The following PSMA4 variants were observed in gnomAD, a reference collection of about 807,000 sequenced individuals.
PSMA4 encodes proteasome 20S subunit alpha 4.
PSMA4 carries 8 observed loss-of-function variants against 37.2 expected under a neutral mutation model. That is an observed-to-expected ratio of 0.22 (90% CI 0.13 to 0.39). PSMA4 has a LOEUF of 0.39. Ranked by LOEUF, PSMA4 falls within the 10% of genes least tolerant of loss-of-function variation. PSMA4 has a pLI of 1.00. For missense variants in PSMA4, 169 were observed against 305.1 expected (o/e 0.55, Z 3.32); for synonymous variants, 93 against 98.8 (o/e 0.94, Z 0.35).
intron 8 of PSMA4, among the ~76,000 whole-genome samples, chr15:78,547,799 T>C (rs1278727477): frequency 6.6e-6 from 1 of 151,978 alleles, no homozygotes; most frequent in African/African-American, 2.4e-5. Flanking sequence ...ATCATGCCAC[T>C]GCACTCCAGC....
rs979254973 is a variant in PSMA4, at chr15:78,549,177, A to G, written c.*233A>G. ...ACACATCCCCTTTTTTTGGAATAAAATTTGGAAAATGGAAATGAAGGAATA... is the reference window on the plus strand; with the variant it reads ...ACACATCCCCTTTTTTTGGAATAAAGTTTGGAAAATGGAAATGAAGGAATA... On this transcript the variant is annotated 3_prime_UTR_variant, in exon 9 of 9. Transcript: ENST00000044462. 5.9e-6 allele frequency: 3 copies of G among 510,490 alleles called. No individual in the cohort carries two copies. Among genetic ancestry groups the G allele is most frequent in the Non-Finnish European group, 8.4e-6 (3 of 356,286 alleles). 31.6% of individuals were successfully genotyped at this position (510,490 alleles called of 1,614,324 possible).
At position 78,544,175 on chromosome 15, in the gene PSMA4, CT is replaced by C. The variant is rs1363538378; in HGVS notation, c.210-8del. On this transcript the variant is annotated splice_polypyrimidine_tract_variant and intron_variant, in intron 4 of 8. Coordinates refer to ENST00000044462, the MANE Select transcript of PSMA4 (RefSeq NM_002789.6). ...ATCTTCCCTGCTTACAGATCAATGTCTTTTTTTCTTCAAGGGACATGGCTTG... is the reference window on the plus strand; with the variant it reads ...ATCTTCCCTGCTTACAGATCAATGTCTTTTTTCTTCAAGGGACATGGCTTG... 3.1e-6 allele frequency: 5 copies of C among 1,603,054 alleles called. No homozygotes were observed. Among genetic ancestry groups the C allele is most frequent in the Admixed American group, 1.7e-5 (1 of 59,662 alleles).
chr15:78,542,115 G>T, intron 2 of PSMA4, 62 bp from the exon 3 acceptor site: 7 of 1,541,316 alleles, frequency 4.5e-6, no homozygotes, highest in Non-Finnish European at 6.3e-6. Flanking sequence ...ATCATTTGTA[G>T]GCTTGCAGGA....
In PSMA4 at chr15:78,548,856, T is replaced by C. The variant is rs776115821; in HGVS notation, c.698T>C (p.Val233Ala). 7.8e-5 allele frequency: 125 copies of C among 1,612,568 alleles called. No individual in the cohort carries two copies. Among genetic ancestry groups the C allele is most frequent in the Admixed American group, 6.2e-4 (37 of 59,838 alleles). The change falls in exon 9 of 9, where the codon GTG (valine) becomes GCG (alanine). Residue 233 changes from valine to alanine, a missense_variant. Around this residue, in one of 2 missense-constraint regions of PSMA4, gnomAD observed 90 missense variants for 92.7 expected, o/e 0.97. Transcript: ENST00000044462. ...TVIRVLKQKE[V>A]EQLIKKHEEE... ...ATCAGAGTTCTCAAACAAAAAGAAG[T>C]GGAGCAGTTGATCAAAAAACATGAG...
intron 5 of PSMA4, chr15:78,544,598 C>T: frequency 2.2e-6 from 1 of 452,282 alleles, no homozygotes; most frequent in East Asian, 3.9e-5. Flanking sequence ...TGCACCTGGC[C>T]TAGTTTTGAT....
chr15:78,541,488 C>G (rs4243083), intron 1 of PSMA4: 127,381 of 196,338 alleles, frequency 0.65, 42,230 homozygotes, highest in East Asian at 0.84. Context: ...ATCCTGCCTC[C>G]GTACCCTTTG....
At position 78,544,770 on chromosome 15, in the gene PSMA4, G is replaced by A. The variant is rs75255438; in HGVS notation, c.288-99G>A. 0.015 allele frequency: 10,847 copies of A among 708,138 alleles called. 1,339 individuals carry two copies. In the East Asian group the frequency reaches 0.26, roughly 17 times the overall value. 43.9% of individuals were successfully genotyped at this position (708,138 alleles called of 1,614,324 possible). ...CCTTCAAATTACAAATGACTGTTAG[G>A]TTGTCCCCATGGCATAGATTGCTTT... On this transcript the variant is annotated intron_variant, in intron 5 of 8. Coordinates refer to ENST00000044462, the MANE Select transcript of PSMA4 (RefSeq NM_002789.6).
chr15:78,546,716 C>G lies in PSMA4; in HGVS notation c.631+18C>G. ...TGAAAAAGGTAATTCATATCCTCTC[C>G]TTTAATTCTTTCGACTGAGTGAGGG... On this transcript the variant is annotated intron_variant, in intron 8 of 8. Transcript: ENST00000044462. 6.3e-7 allele frequency: 1 copy of G among 1,583,308 alleles called. No homozygotes were observed. The highest frequency in any genetic ancestry group is 8.5e-7 in the Non-Finnish European group (1 of 1,170,980).
chr15:78,545,512 A>G (rs980716249), intron 6 of PSMA4, 122 bp from the exon 7 acceptor site: 2 of 1,168,758 alleles, frequency 1.7e-6, no homozygotes, highest in African/African-American at 3.1e-5. Flanking sequence ...GCCAGAATAC[A>G]AAACAGTTTA....
rs1023120326 is a variant in PSMA4, at chr15:78,551,322, C to G, written c.*2378C>G. On this transcript the variant is annotated 3_prime_UTR_variant, in exon 9 of 9. Transcript: ENST00000044462. Reference sequence around the variant, plus strand: ...CCTTGTGCTACCTTCCATGTGCTTCCTTCCTCACTCATTCATCCAAATGAG... The same window carrying G: ...CCTTGTGCTACCTTCCATGTGCTTCGTTCCTCACTCATTCATCCAAATGAG... The G allele has an allele frequency of 6.6e-5, 10 of 152,150 alleles. No homozygotes were observed. Among genetic ancestry groups the G allele is most frequent in the South Asian group, 2.1e-4 (1 of 4,826 alleles). 9.4% of individuals were successfully genotyped at this position (152,150 alleles called of 1,614,324 possible). A position where few individuals can be genotyped will look rare whatever the true frequency, so the allele number is the denominator to read the frequency against.
chr15:78,547,363 A>T (rs1018258559), intron 8 of PSMA4, among the ~76,000 whole-genome samples: 3 of 152,232 alleles, frequency 2.0e-5, no homozygotes, highest in African/African-American at 4.8e-5. Context: ...TGTATATATG[A>T]TAAAGCATAC....
Position 78,544,248 on chromosome 15 carries a change from C to T in PSMA4, c.268C>T (p.Leu90=), listed in dbSNP as rs1419338171. 1.9e-6 allele frequency: 3 copies of T among 1,612,600 alleles called. No homozygotes were observed. Among genetic ancestry groups the T allele is most frequent in the Non-Finnish European group, 8.5e-7 (1 of 1,178,936 alleles). The change falls in exon 5 of 9, where the codon CTA becomes TTA. Residue 90 remains leucine (L), a synonymous_variant. Coordinates refer to ENST00000044462, the MANE Select transcript of PSMA4 (RefSeq NM_002789.6). ...TSDANVLTNE[L]RLIAQRYLLQ... Reference sequence around the variant, plus strand: ...TGATGCTAATGTTCTGACTAATGAACTAAGGCTCATTGCTCAAAGGTATGG... The same window carrying T: ...TGATGCTAATGTTCTGACTAATGAATTAAGGCTCATTGCTCAAAGGTATGG...
At position 78,549,499 on chromosome 15, in the gene PSMA4, A is replaced by G. The variant is rs2052614242; in HGVS notation, c.*555A>G. 1 of 152,342 alleles carries G rather than the reference A, an allele frequency of 6.6e-6. No homozygotes were observed. The highest frequency in any genetic ancestry group is 2.4e-5 in the African/African-American group (1 of 41,446). The allele number at this position is 152,342 out of a possible 1,614,324, so 9.4% of individuals were successfully genotyped here. On this transcript the variant is annotated 3_prime_UTR_variant, in exon 9 of 9. Transcript: ENST00000044462. ...CACAGAGGAAAAGTGGAACCAAGAG[A>G]TGAGAACAGTTACGTGTTGGCTGAA...
chr15:78,540,560 G>A (rs2052425564), intron 1 of PSMA4, 21 bp downstream of exon 1: 1 of 152,520 alleles, frequency 6.6e-6, no homozygotes, highest in Non-Finnish European at 1.5e-5. Flanking sequence ...GGCCCCTTGG[G>A]GCCCGCGGAA....
rs1260242552 is a variant in PSMA4 at position 78,551,355 on chromosome 15, A to C, written c.*2411A>C. On this transcript the variant is annotated 3_prime_UTR_variant, in exon 9 of 9. Transcript: ENST00000044462. ...CTCATTCATCCAAATGAGCCTTCTC[A>C]TCATTCCCTGAATGTGCCAAGCTCC... 6.6e-6 allele frequency: 1 copy of C among 151,936 alleles called. No individual in the cohort carries two copies. The highest frequency in any genetic ancestry group is 1.9e-4 in the East Asian group (1 of 5,166). 9.4% of individuals were successfully genotyped at this position (151,936 alleles called of 1,614,324 possible).
At chr15:78,540,877 A>G (rs1372717214) in intron 1 of PSMA4, 1 of 152,172 alleles carries the variant, frequency 6.6e-6, no homozygotes, top group Non-Finnish European at 1.5e-5. Context: ...GGTGAACTCA[A>G]AATAGTGCTG....
intron 7 of PSMA4, among the ~76,000 whole-genome samples, chr15:78,546,126 G>C (rs777493457): frequency 1.3e-5 from 2 of 152,020 alleles, no homozygotes; most frequent in Non-Finnish European, 2.9e-5. Context: ...ACCCCGTGCC[G>C]TGTGTGCCCT....
Position 78,545,739 on chromosome 15 carries a change from C to T in PSMA4, c.482C>T (p.Ala161Val). The T allele has an allele frequency of 1.2e-6, 2 of 1,613,974 alleles. No individual in the cohort carries two copies. Among genetic ancestry groups the T allele is most frequent in the Non-Finnish European group, 1.7e-6 (2 of 1,179,932 alleles). ...DPSGNYGGWK[A>V]TCIGNNSAAA... ...AGTGGAAATTACGGGGGATGGAAGG[C>T]CACATGCATTGGAAATAATAGCGCT... The change falls in exon 7 of 9, where the codon GCC becomes GTC. Residue 161 changes from alanine to valine, a missense_variant. By Grantham distance (64) the Ala-to-Val change is moderately conservative. Coordinates refer to ENST00000044462, the MANE Select transcript of PSMA4 (RefSeq NM_002789.6).
chr15:78,545,136 A>G (rs1387625259), intron 6 of PSMA4, among the ~76,000 whole-genome samples, 179 bp downstream of exon 6: 1 of 152,234 alleles, frequency 6.6e-6, no homozygotes, highest in East Asian at 1.9e-4. Flanking sequence ...TTCAGTGCAC[A>G]TAATGATCAG....
Sources: allele counts gnomAD v4.1 joint callset (sites outside exome capture counted in the v4.1 genomes callset), GRCh38; gene constraint gnomAD v4.1.1; regional missense constraint gnomAD v4.1.1; transcripts MANE v1.5; gene names NCBI Gene and HGNC (gene_info 2026-07-23, HGNC 2026-07-21).